Variants in RNF169 observed in about 807,000 individuals in gnomAD.
RNF169 encodes the protein E3 ubiquitin-protein ligase RNF169.
Under a neutral mutation model 53.9 loss-of-function variants are expected in RNF169, and 24 were observed. That is an observed-to-expected ratio of 0.45 (90% CI 0.32 to 0.63). RNF169 has a LOEUF of 0.63. Among genes scored for constraint, RNF169 ranks in the 20% least tolerant of loss-of-function variants. The pLI, the probability that RNF169 is intolerant of heterozygous loss-of-function variation, is 0.04. For missense variants in RNF169, 883 were observed against 906.2 expected (o/e 0.97, Z 0.33); for synonymous variants, 396 against 363.5 (o/e 1.09, Z -1.02).
rs548207768 is a variant in RNF169 at position 74,762,425 on chromosome 11, C to T, written c.502+13043C>T. 3.3e-5 allele frequency among the ~76,000 whole-genome samples: 5 copies of T among 152,266 alleles called. No individual in the cohort carries two copies. In the South Asian group the frequency reaches 8.3e-4, roughly 25 times the overall value. On this transcript the variant is annotated intron_variant, in intron 1 of 5. Transcript: ENST00000299563. The stretch of plus-strand genomic sequence containing the variant: ...TTTTTCTATTGTGTTTTTTCCCCAT[C>T]TTTGTGGTTTTATCTACTTTTGGTC...
chr11:74,836,455 T>C lies in RNF169; in HGVS notation c.1852T>C (p.Leu618=). The change falls in exon 6 of 6, where the codon TTG becomes CTG. Residue 618 remains leucine (L), a synonymous_variant. Coordinates refer to ENST00000299563, the MANE Select transcript of RNF169 (RefSeq NM_001098638.2). Reference sequence around the variant, plus strand: ...CCTAAGTGAAGAGCCACTTCCTTCTTTGCGTCGAGGCCGGAAAAGACACTG... The same window carrying C: ...CCTAAGTGAAGAGCCACTTCCTTCTCTGCGTCGAGGCCGGAAAAGACACTG... The part of the protein sequence containing the change: ...ESLSEEPLPS[L]RRGRKRHCKT... 6.2e-7 allele frequency: 1 copy of C among 1,614,168 alleles called. No homozygotes were observed. The highest frequency in any genetic ancestry group is 8.5e-7 in the Non-Finnish European group (1 of 1,180,024).
intron 1 of RNF169, among the ~76,000 whole-genome samples, chr11:74,769,146 C>G (rs927291599): frequency 1.3e-5 from 2 of 152,054 alleles, no homozygotes; most frequent in Non-Finnish European, 2.9e-5. Context: ...AGATTGATAT[C>G]CAACATATAT....
intron 4 of RNF169, among the ~76,000 whole-genome samples, chr11:74,821,881 C>T (rs186401511): frequency 7.8e-4 from 119 of 151,928 alleles, no homozygotes; most frequent in Non-Finnish European, 1.5e-3. Flanking sequence ...ACATCGTACA[C>T]CTAAAAAAAT....
chr11:74,802,798 G>A (rs1215447529), intron 2 of RNF169, among the ~76,000 whole-genome samples: 2 of 152,064 alleles, frequency 1.3e-5, no homozygotes, highest in Middle Eastern at 3.2e-3. Flanking sequence ...ATTGAACACA[G>A]ACCCTGTATC....
intron 2 of RNF169, among the ~76,000 whole-genome samples, chr11:74,796,073 A>C (rs2135095094): frequency 6.6e-6 from 1 of 152,360 alleles, no homozygotes; most frequent in South Asian, 2.1e-4. Flanking sequence ...ACAGAGCAGT[A>C]GCATTTATGT....
At chr11:74,797,647 A>T (rs546121379) in intron 2 of RNF169, among the ~76,000 whole-genome samples, 3 of 152,288 alleles carry the variant, frequency 2.0e-5, no homozygotes, top group African/African-American at 7.2e-5. Flanking sequence ...CTTGTGAAGG[A>T]TGTATATATG....
intron 2 of RNF169, among the ~76,000 whole-genome samples, chr11:74,803,481 T>A (rs1273160486): frequency 6.6e-6 from 1 of 152,224 alleles, no homozygotes; most frequent in Non-Finnish European, 1.5e-5. Context: ...TGAAATAGTG[T>A]GGCATGTATA....
chr11:74,835,646 G>A lies in RNF169; in HGVS notation c.1043G>A (p.Arg348His), dbSNP rs761894393. The change falls in exon 6 of 6, where the codon CGT becomes CAT. Residue 348 changes from arginine to histidine, a missense_variant. Around this residue, in one of 3 missense-constraint regions of RNF169, gnomAD observed 219 missense variants for 289.1 expected, o/e 0.76. Coordinates refer to ENST00000299563, the MANE Select transcript of RNF169 (RefSeq NM_001098638.2). The stretch of plus-strand genomic sequence containing the variant: ...GCCCCTGACTTAACCATCGAAAAGC[G>A]TCTACCCTTCAGCTCCCTTTCATCC... ...VSAPDLTIEK[R>H]LPFSSLSSLA... The A allele has an allele frequency of 6.8e-6, 11 of 1,614,108 alleles. No individual in the cohort carries two copies. The highest frequency in any genetic ancestry group is 4.5e-5 in the East Asian group (2 of 44,884).
chr11:74,774,498 A>G (rs974604945), intron 1 of RNF169, among the ~76,000 whole-genome samples: 1 of 152,186 alleles, frequency 6.6e-6, no homozygotes, highest in African/African-American at 2.4e-5. Flanking sequence ...TTCTGTTTGT[A>G]TATCAGATTC....
At chr11:74,788,925 G>T (rs1172771126) in intron 1 of RNF169, among the ~76,000 whole-genome samples, 4 of 152,236 alleles carry the variant, frequency 2.6e-5, no homozygotes, top group Middle Eastern at 3.4e-3. Flanking sequence ...CTCTAGATGG[G>T]TTGCCTTTTT....
intron 2 of RNF169, among the ~76,000 whole-genome samples, chr11:74,799,086 GT>G (rs66563289): frequency 7.1e-6 from 1 of 140,862 alleles, no homozygotes; most frequent in Non-Finnish European, 1.5e-5. Context: ...ATTTCCAGTG[GT>G]TTTTTTTTTT....
chr11:74,836,579 T>G lies in RNF169; in HGVS notation c.1976T>G (p.Met659Arg), dbSNP rs757044457. The G allele has an allele frequency of 3.1e-6, 5 of 1,613,866 alleles. No homozygotes were observed. The highest frequency in any genetic ancestry group is 4.2e-6 in the Non-Finnish European group (5 of 1,180,018). Residue 659 changes from methionine (M) to arginine (R), a missense_variant, in exon 6 of 6, where the codon ATG (methionine) becomes AGG (arginine). Physicochemically the swap from Met to Arg is moderately conservative, Grantham distance 91 (BLOSUM62 -1). This residue lies in a region of RNF169 where 351 missense variants were observed against 337.3 expected (regional missense o/e 1.04). Coordinates refer to ENST00000299563, the MANE Select transcript of RNF169 (RefSeq NM_001098638.2). ...LAPTDPVLRE[M>R]EQKLQQEEED... is the part of the protein sequence containing the mutation. ...CCAACAGACCCAGTCCTGCGAGAGA[T>G]GGAGCAGAAGCTTCAGCAAGAGGAA...
intron 4 of RNF169, among the ~76,000 whole-genome samples, chr11:74,825,859 G>T (rs1213648585): frequency 6.6e-6 from 1 of 152,118 alleles, no homozygotes; most frequent in Non-Finnish European, 1.5e-5. Flanking sequence ...ATAAAGAACG[G>T]CCCGAGACTA....
intron 1 of RNF169, among the ~76,000 whole-genome samples, chr11:74,756,357 C>A (rs1231145637): frequency 6.6e-6 from 1 of 152,150 alleles, no homozygotes; most frequent in Non-Finnish European, 1.5e-5. Flanking sequence ...GACAGACTAC[C>A]TGGGTTCAAA....
intron 3 of RNF169, among the ~76,000 whole-genome samples, chr11:74,816,785 G>A (rs1173635505): frequency 6.6e-6 from 1 of 152,230 alleles, no homozygotes; most frequent in African/African-American, 2.4e-5. Flanking sequence ...TTCCATGTGT[G>A]GGAACTGGTA....
chr11:74,794,778 A>AG (rs2035623718), intron 2 of RNF169, among the ~76,000 whole-genome samples: 1 of 152,148 alleles, frequency 6.6e-6, no homozygotes, highest in Non-Finnish European at 1.5e-5. Flanking sequence ...TTATAGTCTA[A>AG]GGCTAAATAC....
intron 1 of RNF169, among the ~76,000 whole-genome samples, chr11:74,759,028 C>G (rs575124838): frequency 0.018 from 2,676 of 150,450 alleles, 94 homozygotes; most frequent in African/African-American, 0.063. Context: ...CCTTCACATC[C>G]CTTGTAAGTT....
rs1018543763 is a variant in RNF169, at chr11:74,841,087, T to G, written c.*4357T>G. On this transcript the variant is annotated 3_prime_UTR_variant, in exon 6 of 6. Transcript: ENST00000299563. ...GAATGTGGAATCTTGGAAAGTGATA[T>G]ATTTTGATTGGAATAATTTTAATTA... is the stretch of plus-strand genomic sequence containing the variant. 1 of 152,152 alleles carries G rather than the reference T, an allele frequency of 6.6e-6. No homozygotes were observed. Among genetic ancestry groups the G allele is most frequent in the Non-Finnish European group, 1.5e-5 (1 of 68,030 alleles). 9.4% of individuals were successfully genotyped at this position (152,152 alleles called of 1,614,324 possible).
intron 3 of RNF169, among the ~76,000 whole-genome samples, chr11:74,812,379 C>T (rs184923513): frequency 1.8e-3 from 273 of 152,162 alleles, no homozygotes; most frequent in African/African-American, 6.2e-3. Flanking sequence ...ACTATAGTTT[C>T]GACCACCCAG....
Sources: allele counts gnomAD v4.1 joint callset (sites outside exome capture counted in the v4.1 genomes callset), GRCh38; gene constraint gnomAD v4.1.1; regional missense constraint gnomAD v4.1.1; transcripts MANE v1.5; gene names NCBI Gene and HGNC (gene_info 2026-07-23, HGNC 2026-07-21).